Variants in ENOX1 observed in about 807,000 individuals in gnomAD.
The protein encoded by ENOX1 is candidate growth-related and time keeping constitutive hydroquinone (NADH) oxidase.
Under a neutral mutation model 82.5 loss-of-function variants are expected in ENOX1, and 42 were observed. The ratio of observed to expected loss-of-function variants is 0.51; its 90% confidence interval spans 0.40 to 0.66. ENOX1 has a LOEUF of 0.66. Ranked by LOEUF, ENOX1 falls within the 30% of genes least tolerant of loss-of-function variation. The probability of loss-of-function intolerance (pLI) is 0.00; values close to 1 mark genes in which losing one functional copy is unlikely to be tolerated. For synonymous variants in ENOX1, 271 were observed against 282.2 expected (o/e 0.96, Z 0.40); for missense variants, 608 against 811.6 (o/e 0.75, Z 3.05).
intron 5 of ENOX1, among the ~76,000 whole-genome samples, chr13:43,398,186 C>A (rs951489665): frequency 3.3e-5 from 5 of 152,182 alleles, no homozygotes; most frequent in African/African-American, 1.2e-4. Flanking sequence ...AGTGCTGGAG[C>A]ATAGCAGATA....
At chr13:43,245,661 G>A (rs994466295) in intron 14 of ENOX1, among the ~76,000 whole-genome samples, 18 of 152,262 alleles carry the variant, frequency 1.2e-4, no homozygotes, top group South Asian at 2.1e-4. Flanking sequence ...CCCGAGGGTC[G>A]TGGGCTCTCA....
At chr13:43,529,898 G>C (rs1397344239) in intron 2 of ENOX1, among the ~76,000 whole-genome samples, 1 of 152,082 alleles carries the variant, frequency 6.6e-6, no homozygotes, top group African/African-American at 2.4e-5. Flanking sequence ...AAAATTGTTT[G>C]CACAGCTATT....
chr13:43,664,782 T>G (rs141296866), intron 2 of ENOX1, among the ~76,000 whole-genome samples: 2,081 of 152,328 alleles, frequency 0.014, 30 homozygotes, highest in Non-Finnish European at 0.02. Flanking sequence ...TTGGTGGAAC[T>G]CTGCCTGCAT....
chr13:43,587,201 C>T (rs889185164), intron 2 of ENOX1, among the ~76,000 whole-genome samples: 5 of 152,202 alleles, frequency 3.3e-5, no homozygotes, highest in Non-Finnish European at 7.3e-5. Context: ...CTCAATTTTG[C>T]TCCAGATGAG....
intron 2 of ENOX1, among the ~76,000 whole-genome samples, chr13:43,543,363 G>T (rs978391993): frequency 6.6e-6 from 1 of 151,964 alleles, no homozygotes; most frequent in Non-Finnish European, 1.5e-5. Context: ...AGAAGCTATC[G>T]GAATATACTG....
At chr13:43,439,213 G>T (rs1177087067) in intron 3 of ENOX1, among the ~76,000 whole-genome samples, 2 of 150,494 alleles carry the variant, frequency 1.3e-5, no homozygotes, top group Admixed American at 6.6e-5. Context: ...GTCACACCTG[G>T]CTAATTTTTT....
chr13:43,370,455 G>C (rs2051158309), intron 5 of ENOX1, among the ~76,000 whole-genome samples: 1 of 152,132 alleles, frequency 6.6e-6, no homozygotes, highest in Admixed American at 6.5e-5. Flanking sequence ...TAAATTTCCA[G>C]TTTTACGGGC....
intron 12 of ENOX1, among the ~76,000 whole-genome samples, chr13:43,291,675 A>T (rs1196934827): frequency 6.6e-6 from 1 of 152,170 alleles, no homozygotes; most frequent in Non-Finnish European, 1.5e-5. Flanking sequence ...GCCACATGGT[A>T]ACCAAGAATT....
chr13:43,392,363 ATAC>A (rs2052837070), intron 5 of ENOX1, among the ~76,000 whole-genome samples: 1 of 152,152 alleles, frequency 6.6e-6, no homozygotes, highest in South Asian at 2.1e-4. Context: ...TGAAGGAGGG[ATAC>A]TACTAAACTA....
intron 5 of ENOX1, among the ~76,000 whole-genome samples, chr13:43,405,957 T>C (rs1445351608): frequency 1.3e-5 from 2 of 152,228 alleles, no homozygotes; most frequent in African/African-American, 2.4e-5. Context: ...ATTTACTCTT[T>C]TCTGTTTCTC....
Position 43,672,043 on chromosome 13 carries a change from G to T in ENOX1, c.-284-4499C>A, listed in dbSNP as rs2085294714. Among the ~76,000 whole-genome samples, 3 of 151,986 alleles carry T rather than the reference G, an allele frequency of 2.0e-5. No individual in the cohort carries two copies. In the South Asian group the frequency reaches 6.2e-4, roughly 32 times the overall value. ...ACCATTCATACCATTGACATCATTG[G>T]ACTGAGATCATCACCCCTTCAGAAA... On this transcript the variant is annotated intron_variant, in intron 1 of 16. Coordinates refer to ENST00000690772, the MANE Select transcript of ENOX1 (RefSeq NM_001347969.2).
At chr13:43,649,852 G>C (rs983981374) in intron 2 of ENOX1, among the ~76,000 whole-genome samples, 1 of 152,150 alleles carries the variant, frequency 6.6e-6, no homozygotes, top group Non-Finnish European at 1.5e-5. Flanking sequence ...CCAATCCTCT[G>C]AGCTCCAAGC....
intron 1 of ENOX1, among the ~76,000 whole-genome samples, chr13:43,668,148 C>T (rs2085077643): frequency 6.6e-6 from 1 of 152,168 alleles, no homozygotes; most frequent in Non-Finnish European, 1.5e-5. Flanking sequence ...AGCCTTGTTA[C>T]TCAGAGTGTG....
chr13:43,724,146 A>C (rs2088771446), intron 1 of ENOX1, among the ~76,000 whole-genome samples: 1 of 152,204 alleles, frequency 6.6e-6, no homozygotes, highest in Non-Finnish European at 1.5e-5. Context: ...TCCATTTTTC[A>C]TGCTCTTTCT....
intron 12 of ENOX1, among the ~76,000 whole-genome samples, chr13:43,295,859 T>C (rs1044989947): frequency 1.2e-4 from 18 of 152,206 alleles, no homozygotes; most frequent in African/African-American, 4.1e-4. Flanking sequence ...TAAAACTCTG[T>C]AAAAGATGTT....
intron 5 of ENOX1, among the ~76,000 whole-genome samples, chr13:43,409,488 T>C (rs2053991879): frequency 6.6e-6 from 1 of 152,190 alleles, no homozygotes. Flanking sequence ...ATGCTTACCA[T>C]ATGGAGGTTA....
At chr13:43,453,547 C>T (rs899320749) in intron 3 of ENOX1, among the ~76,000 whole-genome samples, 2 of 152,130 alleles carry the variant, frequency 1.3e-5, no homozygotes, top group African/African-American at 4.8e-5. Flanking sequence ...AGCACTCTGC[C>T]TGGCACTATA....
chr13:43,345,966 T>A (rs1327945583), intron 8 of ENOX1, among the ~76,000 whole-genome samples: 1 of 152,152 alleles, frequency 6.6e-6, no homozygotes, highest in Non-Finnish European at 1.5e-5. Context: ...CATATAAACA[T>A]ACATACACTC....
intron 1 of ENOX1, among the ~76,000 whole-genome samples, chr13:43,766,805 G>A (rs76078976): frequency 0.012 from 1,782 of 152,160 alleles, 24 homozygotes; most frequent in African/African-American, 0.035. Context: ...AGAAGAATGG[G>A]AATTGAGAAT....
Sources: gnomAD v4.1 joint callset for allele counts (sites outside exome capture counted in the v4.1 genomes callset) on GRCh38, gnomAD v4.1.1 for gene constraint, MANE v1.5 for transcripts, NCBI Gene and HGNC (gene_info 2026-07-23, HGNC 2026-07-21) for gene names.